Variants in PCBP3 observed in about 807,000 individuals in gnomAD.
PCBP3 encodes the protein poly(rC)-binding protein 3.
Under a neutral mutation model 52.7 loss-of-function variants are expected in PCBP3, and 25 were observed. That is an observed-to-expected ratio of 0.47 (90% CI 0.35 to 0.66). The LOEUF (loss-of-function observed/expected upper bound fraction) is 0.66, where lower values mean the gene tolerates loss of function less well. Among genes scored for constraint, PCBP3 ranks in the 30% least tolerant of loss-of-function variants. The pLI is 0.01. For synonymous variants in PCBP3, 162 were observed against 183.0 expected (o/e 0.89, Z 0.93); for missense variants, 391 against 490.3 (o/e 0.80, Z 1.91).
intron 5 of PCBP3, among the ~76,000 whole-genome samples, chr21:45,860,976 C>T (rs981497611): frequency 2.0e-5 from 3 of 152,206 alleles, no homozygotes; most frequent in Non-Finnish European, 4.4e-5. Context: ...CTGTACCTCC[C>T]CTCGCCCTCA....
rs552231150 is a variant in PCBP3, at chr21:45,802,205, G to A, written c.-126+46753G>A. Among the ~76,000 whole-genome samples the A allele has an allele frequency of 9.8e-5, 15 of 152,316 alleles. No homozygotes were observed. The highest frequency in any genetic ancestry group is 3.1e-4 in the African/African-American group (13 of 41,574). On this transcript the variant is annotated intron_variant, in intron 4 of 17. Coordinates refer to ENST00000681687, the MANE Select transcript of PCBP3 (RefSeq NM_001384156.1). The surrounding 1 kb of genome is among the most constrained non-coding windows in gnomAD (Gnocchi z 5.1). ...CCTGGTAGCGGCTCTGCAGCTGGGC[G>A]CTGTTTCTGCCCTGTCATGCAAGTG...
chr21:45,840,634 C>A (rs1002002732), intron 4 of PCBP3, among the ~76,000 whole-genome samples: 12 of 152,158 alleles, frequency 7.9e-5, no homozygotes, highest in African/African-American at 2.9e-4. Context: ...AGAGCAACTT[C>A]CAGTCCTGTG....
chr21:45,728,317 A>G lies in PCBP3; in HGVS notation c.-199-7075A>G, dbSNP rs183389659. ...CATGAGTTAATACTGAATTTTGTCA[A>G]ATGTTTTCTCTGTATCTATTGAGAT... On this transcript the variant is annotated intron_variant, in intron 2 of 17. Coordinates refer to ENST00000681687, the MANE Select transcript of PCBP3 (RefSeq NM_001384156.1). 2.2e-3 allele frequency among the ~76,000 whole-genome samples: 338 copies of G among 152,296 alleles called. 2 individuals carry two copies. The highest frequency in any genetic ancestry group is 7.6e-3 in the African/African-American group (314 of 41,558).
At chr21:45,701,518 C>A (rs991122298) in intron 2 of PCBP3, among the ~76,000 whole-genome samples, 1 of 152,090 alleles carries the variant, frequency 6.6e-6, no homozygotes, top group Non-Finnish European at 1.5e-5. Flanking sequence ...TAATAATGAA[C>A]CCATTATATA....
intron 4 of PCBP3, among the ~76,000 whole-genome samples, chr21:45,799,960 C>T (rs1259000468): frequency 6.6e-6 from 1 of 152,228 alleles, no homozygotes; most frequent in Non-Finnish European, 1.5e-5. Context: ...CCGGGCTCTC[C>T]AATGCCTGGT....
intron 3 of PCBP3, among the ~76,000 whole-genome samples, chr21:45,747,336 A>G (rs568385868): frequency 2.6e-5 from 4 of 152,312 alleles, no homozygotes; most frequent in African/African-American, 4.8e-5. Flanking sequence ...TACAATTCAA[A>G]ATGAGATTTG....
rs888392116 is a variant in PCBP3 at position 45,791,340 on chromosome 21, T to G, written c.-126+35888T>G. Among the ~76,000 whole-genome samples, 1 of 152,188 alleles carries G rather than the reference T, an allele frequency of 6.6e-6. No homozygotes were observed. ...CAGCCCAGGGAGTGAGTGTGGTCAC[T>G]GGTGTGTGTGGCCTGCCTGTGGTCT... On this transcript the variant is annotated intron_variant, in intron 4 of 17. Coordinates refer to ENST00000681687, the MANE Select transcript of PCBP3 (RefSeq NM_001384156.1). This position sits in a 1 kb window ranked among gnomAD's most constrained non-coding sequence, Gnocchi z 4.2.
intron 5 of PCBP3, among the ~76,000 whole-genome samples, chr21:45,886,365 C>G (rs2095522326): frequency 7.9e-6 from 1 of 125,836 alleles, no homozygotes; most frequent in South Asian, 2.7e-4. Flanking sequence ...GTGTGGAGGC[C>G]TCATTGCCGC....
chr21:45,885,377 G>A (rs2095493733), intron 5 of PCBP3, among the ~76,000 whole-genome samples: 1 of 152,108 alleles, frequency 6.6e-6, no homozygotes, highest in South Asian at 2.1e-4. Context: ...GATTTCCTTG[G>A]ATTTATCCTG....
intron 2 of PCBP3, among the ~76,000 whole-genome samples, chr21:45,698,512 A>G (rs1458831509): frequency 6.6e-6 from 1 of 152,224 alleles, no homozygotes; most frequent in Non-Finnish European, 1.5e-5. Context: ...GGATCTGGGG[A>G]TCATCTGATG....
At chr21:45,713,476 G>A (rs892722356) in intron 2 of PCBP3, among the ~76,000 whole-genome samples, 5 of 152,164 alleles carry the variant, frequency 3.3e-5, no homozygotes, top group Admixed American at 6.5e-5. Flanking sequence ...CTGTCCATGC[G>A]GAGTTCTTAC....
chr21:45,843,418 ACTTTT>A (rs1449168576), intron 4 of PCBP3, among the ~76,000 whole-genome samples: 1 of 152,194 alleles, frequency 6.6e-6, no homozygotes, highest in Non-Finnish European at 1.5e-5. Context: ...TAACTTCTGA[ACTTTT>A]CTTTATTATT....
At chr21:45,838,490 GA>G (rs1437497556) in intron 4 of PCBP3, among the ~76,000 whole-genome samples, 2 of 152,028 alleles carry the variant, frequency 1.3e-5, no homozygotes, top group Non-Finnish European at 1.5e-5. Flanking sequence ...GGTTGTCATT[GA>G]TTTTTTATAA....
chr21:45,804,454 A>C (rs991818214), intron 4 of PCBP3, among the ~76,000 whole-genome samples: 1 of 152,116 alleles, frequency 6.6e-6, no homozygotes, highest in African/African-American at 2.4e-5. Context: ...AACTGGCAAA[A>C]CCAAAAGCCA....
At chr21:45,867,493 C>G (rs2094790869) in intron 5 of PCBP3, among the ~76,000 whole-genome samples, 1 of 152,250 alleles carries the variant, frequency 6.6e-6, no homozygotes, top group African/African-American at 2.4e-5. Flanking sequence ...GCATTCACCG[C>G]ACGCGGAGGG....
intron 4 of PCBP3, among the ~76,000 whole-genome samples, chr21:45,839,735 G>A (rs1197409457): frequency 6.6e-6 from 1 of 152,138 alleles, no homozygotes; most frequent in Non-Finnish European, 1.5e-5. Context: ...TGCCCAGGCT[G>A]GAGGGCAGTG....
chr21:45,810,794 T>C (rs1360399553), intron 4 of PCBP3, among the ~76,000 whole-genome samples: 2 of 152,202 alleles, frequency 1.3e-5, no homozygotes, highest in Non-Finnish European at 2.9e-5. Flanking sequence ...GTGCCTTGAG[T>C]CTTCTTGTCG....
At position 45,829,453 on chromosome 21, in the gene PCBP3, C is replaced by CCTCTCTCTCCTCGGCATTCCTT. The variant is rs2093391537; in HGVS notation, c.-125-20503_-125-20482dup. On this transcript the variant is annotated intron_variant, in intron 4 of 17. Coordinates refer to ENST00000681687, the MANE Select transcript of PCBP3 (RefSeq NM_001384156.1). This position sits in a 1 kb window ranked among gnomAD's most constrained non-coding sequence, Gnocchi z 5.2. ...CGCTGGGCCTCTCTTTGGCATTCCT[C>CCTCTCTCTCCTCGGCATTCCTT]CTCTCTCTCCTCGGCATTCCTTCTC... 6.6e-6 allele frequency: 1 copy of CCTCTCTCTCCTCGGCATTCCTT among 152,628 alleles called. No individual in the cohort carries two copies. Among genetic ancestry groups the CCTCTCTCTCCTCGGCATTCCTT allele is most frequent in the Non-Finnish European group, 1.5e-5 (1 of 68,384 alleles). 9.5% of individuals were successfully genotyped at this position (152,628 alleles called of 1,614,324 possible).
At chr21:45,897,746 T>C (rs1462231514) in intron 6 of PCBP3, among the ~76,000 whole-genome samples, 1 of 152,174 alleles carries the variant, frequency 6.6e-6, no homozygotes, top group East Asian at 1.9e-4. Context: ...CCAGGATGCA[T>C]GGTGCTCCTG....
Sources: allele counts gnomAD v4.1 joint callset (sites outside exome capture counted in the v4.1 genomes callset), GRCh38; gene constraint gnomAD v4.1.1; non-coding constraint Gnocchi (gnomAD v3.1); transcripts MANE v1.5; gene names NCBI Gene and HGNC (gene_info 2026-07-23, HGNC 2026-07-21).